Variants in PKIB observed in about 807,000 individuals in gnomAD.
The protein encoded by PKIB is PKI-beta.
PKIB carries 2 observed loss-of-function variants against 4.5 expected under a neutral mutation model. The ratio of observed to expected loss-of-function variants is 0.44; its 90% CI spans 0.18 to 1.39. The LOEUF (loss-of-function observed/expected upper bound fraction) is 1.39, where lower values mean the gene tolerates loss of function less well. Ranked by LOEUF, PKIB falls within the 40% of genes most tolerant of loss-of-function variation. PKIB has a pLI of 0.27. For synonymous variants in PKIB, 38 were observed against 36.0 expected, an observed-to-expected ratio of 1.06 and a Z score of -0.20; for missense variants, 94 against 92.6, an observed-to-expected ratio of 1.02 and a Z score of -0.06.
chr6:122,569,450 C>T (rs1019700790), intron 2 of PKIB, among the ~76,000 whole-genome samples: 2 of 152,194 alleles, frequency 1.3e-5, no homozygotes, highest in Non-Finnish European at 2.9e-5. Context: ...ATCACCACTG[C>T]GTACAACACC....
rs202212013 is a variant in PKIB, at chr6:122,719,716, TACAC to T, written c.169+1803_169+1806del. ...AGATTGTGAGTGTTCCCACCACACA[TACAC>T]ACACACACACACACACACACACACA... is the stretch of plus-strand genomic sequence containing the variant. On this transcript the variant is annotated intron_variant, in intron 4 of 4. Coordinates refer to ENST00000368452, the MANE Select transcript of PKIB (RefSeq NM_181795.3). 2.8e-3 allele frequency among the ~76,000 whole-genome samples: 375 copies of T among 132,824 alleles called. 3 individuals are homozygous for T. Among genetic ancestry groups the T allele is most frequent in the African/African-American group, 8.9e-3 (350 of 39,400 alleles). The allele number at this position is 132,824 out of a possible 152,430, so 87.1% of individuals were successfully genotyped here.
At chr6:122,720,332 G>A (rs1294592006) in intron 4 of PKIB, among the ~76,000 whole-genome samples, 1 of 152,000 alleles carries the variant, frequency 6.6e-6, no homozygotes, top group Admixed American at 6.6e-5. Context: ...ATGATAAAAA[G>A]GTCAATGATA....
chr6:122,654,544 G>A (rs1776694215), intron 2 of PKIB, among the ~76,000 whole-genome samples: 1 of 152,122 alleles, frequency 6.6e-6, no homozygotes, highest in Non-Finnish European at 1.5e-5. Context: ...GGCATTTATT[G>A]AAGGTCTGCT....
chr6:122,696,608 C>G (rs999153418), intron 3 of PKIB, among the ~76,000 whole-genome samples: 1 of 152,166 alleles, frequency 6.6e-6, no homozygotes, highest in Non-Finnish European at 1.5e-5. Flanking sequence ...AGTTCTCAGC[C>G]CCTCAGAGGA....
intron 2 of PKIB, among the ~76,000 whole-genome samples, chr6:122,582,649 C>T (rs1385405947): frequency 6.6e-6 from 1 of 151,984 alleles, no homozygotes; most frequent in African/African-American, 2.4e-5. Flanking sequence ...ACAGAAGCTA[C>T]CTTCTTTGAA....
intron 2 of PKIB, among the ~76,000 whole-genome samples, chr6:122,662,568 C>T (rs1047989828): frequency 2.6e-5 from 4 of 151,844 alleles, no homozygotes; most frequent in African/African-American, 9.7e-5. Context: ...GATCCACTTG[C>T]TTTGGCCTCC....
At chr6:122,511,910 G>C (rs1776598800) in intron 2 of PKIB, among the ~76,000 whole-genome samples, 1 of 152,190 alleles carries the variant, frequency 6.6e-6, no homozygotes, top group Admixed American at 6.6e-5. Flanking sequence ...TGTTTTAAAG[G>C]AGTGTCTTTT....
At chr6:122,587,645 A>T (rs1411606943) in intron 3 of PKIB, among the ~76,000 whole-genome samples, 1 of 152,190 alleles carries the variant, frequency 6.6e-6, no homozygotes, top group Non-Finnish European at 1.5e-5. Flanking sequence ...CCCCACCAAC[A>T]GTGTAAAAGT....
At chr6:122,593,350 G>C (rs1037315810) in intron 3 of PKIB, among the ~76,000 whole-genome samples, 8 of 152,164 alleles carry the variant, frequency 5.3e-5, no homozygotes, top group Non-Finnish European at 1.2e-4. Context: ...TATATAGACT[G>C]TTTATAGATA....
chr6:122,541,098 C>T (rs1236618157), intron 2 of PKIB, among the ~76,000 whole-genome samples: 5 of 151,130 alleles, frequency 3.3e-5, no homozygotes, highest in Non-Finnish European at 5.9e-5. Context: ...GATGGGTTTC[C>T]TGAATACAGC....
rs941605016 is a variant in PKIB, at chr6:122,703,922, G to A, written c.-8-13865G>A. Among the ~76,000 whole-genome samples, 952 of 133,380 alleles carry A rather than the reference G, an allele frequency of 7.1e-3. 8 individuals carry two copies. Among genetic ancestry groups the A allele is most frequent in the African/African-American group, 0.025 (896 of 35,924 alleles). 87.5% of individuals were successfully genotyped at this position (133,380 alleles called of 152,430 possible). ...TAAAAAACGCTATATATATATGTGT[G>A]TATATATATATATATATATAGAGAG... is the stretch of plus-strand genomic sequence containing the variant. On this transcript the variant is annotated intron_variant, in intron 3 of 4. Coordinates refer to ENST00000368452, the MANE Select transcript of PKIB (RefSeq NM_181795.3).
chr6:122,697,999 T>C (rs1359172473), intron 3 of PKIB, among the ~76,000 whole-genome samples: 1 of 151,930 alleles, frequency 6.6e-6, no homozygotes, highest in African/African-American at 2.4e-5. Flanking sequence ...GGTCTAAGAG[T>C]TGTAAAAATA....
At chr6:122,659,324 T>C (rs970477234) in intron 2 of PKIB, among the ~76,000 whole-genome samples, 3 of 152,210 alleles carry the variant, frequency 2.0e-5, no homozygotes, top group Non-Finnish European at 2.9e-5. Context: ...TTCAAAATTG[T>C]TGACATCTGA....
chr6:122,648,469 C>T (rs1324036482), intron 2 of PKIB, among the ~76,000 whole-genome samples: 1 of 152,212 alleles, frequency 6.6e-6, no homozygotes, highest in Non-Finnish European at 1.5e-5. Flanking sequence ...GGCACTATAA[C>T]TGAGTTTTCA....
intron 2 of PKIB, among the ~76,000 whole-genome samples, chr6:122,639,916 C>G (rs1049069137): frequency 6.6e-6 from 1 of 151,982 alleles, no homozygotes; most frequent in African/African-American, 2.4e-5. Context: ...TTGTTGAAAC[C>G]ATTGATGTGG....
chr6:122,645,254 G>A (rs1776265576), intron 2 of PKIB, among the ~76,000 whole-genome samples: 1 of 152,108 alleles, frequency 6.6e-6, no homozygotes, highest in Admixed American at 6.5e-5. Flanking sequence ...ATATTTTATA[G>A]GACAAAGAGT....
At chr6:122,618,629 A>G (rs1171044065) in intron 1 of PKIB, among the ~76,000 whole-genome samples, 1 of 152,080 alleles carries the variant, frequency 6.6e-6, no homozygotes, top group African/African-American at 2.4e-5. Flanking sequence ...AAAAATTATC[A>G]TATCATATTC....
intron 1 of PKIB, among the ~76,000 whole-genome samples, chr6:122,618,844 C>T (rs1262976249): frequency 1.3e-5 from 2 of 152,032 alleles, no homozygotes; most frequent in East Asian, 3.8e-4. Flanking sequence ...CATAGAATTG[C>T]TGCATCAGAG....
intron 2 of PKIB, among the ~76,000 whole-genome samples, chr6:122,584,184 G>T (rs1045476719): frequency 6.6e-6 from 1 of 152,038 alleles, no homozygotes; most frequent in African/African-American, 2.4e-5. Context: ...GAAAAGGGGA[G>T]AATGTAAAAA....
Sources: gnomAD v4.1 joint callset for allele counts (sites outside exome capture counted in the v4.1 genomes callset) on GRCh38, gnomAD v4.1.1 for gene constraint, MANE v1.5 for transcripts, NCBI Gene and HGNC (gene_info 2026-07-23, HGNC 2026-07-21) for gene names.